Variants in ZNF655 observed in about 807,000 individuals in gnomAD.
The protein encoded by ZNF655 is zinc finger protein 655, also known as Vav-interacting Kruppel-like protein 1.
A neutral mutation model predicts 6.6 loss-of-function variants in ZNF655; 3 were observed. The ratio of observed to expected loss-of-function variants is 0.46; its 90% CI spans 0.21 to 1.18. The LOEUF is 1.18. Ranked by LOEUF, ZNF655 falls within the 50% of genes most tolerant of loss-of-function variation. The pLI is 0.24. For missense variants in ZNF655, 526 were observed against 572.3 expected (o/e 0.92, Z 0.83); for synonymous variants, 178 against 195.0 (o/e 0.91, Z 0.73).
intron 2 of ZNF655, chr7:99,564,813 T>C (rs1803497085): frequency 1.7e-6 from 1 of 593,746 alleles, no homozygotes; most frequent in Admixed American, 6.3e-5. Context: ...ATCTCTGCAC[T>C]GCACACTCGA....
chr7:99,560,855 T>C, intron 2 of ZNF655, 160 bp downstream of exon 2: 3 of 735,730 alleles, frequency 4.1e-6, no homozygotes, highest in Non-Finnish European at 6.3e-6. Context: ...AGTTCAGTCC[T>C]AGTCTGAGCC....
chr7:99,560,882 C>A, intron 2 of ZNF655, 187 bp downstream of exon 2: 1 of 542,788 alleles, frequency 1.8e-6, no homozygotes, highest in Non-Finnish European at 2.9e-6. Flanking sequence ...TTAAGGATAG[C>A]TCATCTTTCT....
chr7:99,561,767 T>C (rs903117251), intron 2 of ZNF655: 14 of 462,362 alleles, frequency 3.0e-5, no homozygotes, highest in African/African-American at 2.6e-4. Context: ...AAAATGTTCA[T>C]TGGTTTTACT....
rs766260849 is a variant in ZNF655, at chr7:99,573,251, G to A, written c.1143G>A (p.Thr381=). 31 of 1,614,160 alleles carry A rather than the reference G, an allele frequency of 1.9e-5. No homozygotes were observed. In the South Asian group the frequency reaches 2.5e-4, roughly 13 times the overall value. ...QGIHFREKPY[T]CSECGKDFRL... is the part of the protein sequence containing the mutation. The stretch of plus-strand genomic sequence containing the variant: ...TTCATTTCAGAGAAAAGCCCTATAC[G>A]TGTAGTGAATGTGGAAAAGACTTCA... Residue 381 remains threonine (T), a synonymous_variant, in exon 3 of 3, where the codon ACG becomes ACA. Transcript: ENST00000252713.
At chr7:99,563,479 C>T (rs564023027) in intron 2 of ZNF655, among the ~76,000 whole-genome samples, 9 of 152,070 alleles carry the variant, frequency 5.9e-5, no homozygotes, top group Non-Finnish European at 1.0e-4. Flanking sequence ...CCACCACGCC[C>T]GCCTAATTTT....
At chr7:99,562,043 C>A in intron 2 of ZNF655, 1 of 1,348,658 alleles carries the variant, frequency 7.4e-7, no homozygotes, top group Non-Finnish European at 1.0e-6. Context: ...TCTCTCTCAT[C>A]CCATCTGTAG....
chr7:99,563,190 A>T (rs917320360), intron 2 of ZNF655: 1 of 455,692 alleles, frequency 2.2e-6, no homozygotes, highest in Admixed American at 2.4e-5. Context: ...TTTGAAAGGT[A>T]CAGTGGGAAG....
At chr7:99,569,033 T>C (rs1803843870) in intron 2 of ZNF655, among the ~76,000 whole-genome samples, 1 of 151,016 alleles carries the variant, frequency 6.6e-6, no homozygotes, top group Non-Finnish European at 1.5e-5. Context: ...GATCTGTCCG[T>C]CATGGCCTCC....
intron 2 of ZNF655, among the ~76,000 whole-genome samples, chr7:99,567,887 C>T (rs543195482): frequency 2.0e-5 from 3 of 151,718 alleles, no homozygotes; most frequent in Admixed American, 6.6e-5. Context: ...GGTGAAACCC[C>T]GTCTCTACTA....
chr7:99,575,286 C>T lies in ZNF655; in HGVS notation c.*1702C>T, dbSNP rs547812247. 3.9e-5 allele frequency: 6 copies of T among 152,614 alleles called. No individual in the cohort carries two copies. Among genetic ancestry groups the T allele is most frequent in the African/African-American group, 1.4e-4 (6 of 41,578 alleles). 9.5% of individuals were successfully genotyped at this position (152,614 alleles called of 1,614,324 possible). Reference sequence around the variant, plus strand: ...GGGCATGGTGGCTCACACCTGTAATCCCAGCACTTTGGGAGGCTGAGGCGG... The same window carrying T: ...GGGCATGGTGGCTCACACCTGTAATTCCAGCACTTTGGGAGGCTGAGGCGG... On this transcript the variant is annotated 3_prime_UTR_variant, in exon 3 of 3. Transcript: ENST00000252713.
In ZNF655 at chr7:99,575,536, C is replaced by T. The variant is rs1200818159; in HGVS notation, c.*1952C>T. On this transcript the variant is annotated 3_prime_UTR_variant, in exon 3 of 3. Transcript: ENST00000252713. ...TGGGCGACAGAGCAGGACTCTCTCTCAAAAAAACACAAAAAAACAAAAACA... is the reference window on the plus strand; with the variant it reads ...TGGGCGACAGAGCAGGACTCTCTCTTAAAAAAACACAAAAAAACAAAAACA... The T allele has an allele frequency of 6.7e-6, 1 of 150,132 alleles. No individual in the cohort carries two copies. The highest frequency in any genetic ancestry group is 2.1e-4 in the South Asian group (1 of 4,772). 9.3% of individuals were successfully genotyped at this position (150,132 alleles called of 1,614,324 possible). A position where few individuals can be genotyped will look rare whatever the true frequency, so the allele number is the denominator to read the frequency against.
chr7:99,559,999 G>T (rs1584237867), intron 1 of ZNF655, among the ~76,000 whole-genome samples: 2 of 151,576 alleles, frequency 1.3e-5, no homozygotes, highest in African/African-American at 4.8e-5. Flanking sequence ...TTTTTTTAAT[G>T]CCACAAATTC....
chr7:99,563,120 C>A, intron 2 of ZNF655: 1 of 441,522 alleles, frequency 2.3e-6, no homozygotes, highest in East Asian at 7.6e-5. Context: ...GCAGAAATCT[C>A]AGATGTTTAC....
At chr7:99,569,465 AT>A (rs555541537) in intron 2 of ZNF655, among the ~76,000 whole-genome samples, 98 of 150,380 alleles carry the variant, frequency 6.5e-4, no homozygotes, top group African/African-American at 2.3e-3. Context: ...CAAAATCATA[AT>A]TTTTTTTTTA....
rs1251043097 is a variant in ZNF655 at position 99,573,418 on chromosome 7, A to C, written c.1310A>C (p.Glu437Ala). 3 of 1,614,154 alleles carry C rather than the reference A, an allele frequency of 1.9e-6. No individual in the cohort carries two copies. The South Asian group carries it at 3.3e-5, about 18-fold the overall frequency. Reference sequence around the variant, plus strand: ...ATGCATAGGAAAGAGAAATCGTATGAATGTAATGAGTATGAGGGCAGTTTC... The same window carrying C: ...ATGCATAGGAAAGAGAAATCGTATGCATGTAATGAGTATGAGGGCAGTTTC... ...HKMHRKEKSYECNEYEGSFSH... is the reference protein window; with the variant it reads ...HKMHRKEKSYACNEYEGSFSH... The change falls in exon 3 of 3, where the codon GAA becomes GCA. Residue 437 changes from glutamate (E) to alanine (A), a missense_variant. Transcript: ENST00000252713.
chr7:99,572,727 A>C lies in ZNF655; in HGVS notation c.619A>C (p.Asn207His). Residue 207 changes from asparagine (N) to histidine (H), a missense_variant, in exon 3 of 3, where the codon AAC becomes CAC. Physicochemically the swap from Asn to His is moderately conservative, Grantham distance 68. Transcript: ENST00000252713. ...SHLNKWESIPNTEKSYKCDVC... is the reference protein window; with the variant it reads ...SHLNKWESIPHTEKSYKCDVC... ...CCTTAATAAATGGGAGAGCATCCCT[A>C]ACACTGAGAAATCCTATAAATGTGA... is the stretch of plus-strand genomic sequence containing the variant. 2 of 1,613,218 alleles carry C rather than the reference A, an allele frequency of 1.2e-6. No individual in the cohort carries two copies. Among genetic ancestry groups the C allele is most frequent in the African/African-American group, 2.7e-5 (2 of 75,044 alleles).
chr7:99,573,526 C>G lies in ZNF655; in HGVS notation c.1418C>G (p.Ser473Cys). 6.2e-7 allele frequency: 1 copy of G among 1,610,302 alleles called. No individual in the cohort carries two copies. Among genetic ancestry groups the G allele is most frequent in the Non-Finnish European group, 8.5e-7 (1 of 1,179,952 alleles). ...GATTGTGATGTATGGGAAAAGAACT[C>G]CAGTCAGAGAGCACATCTAGTTCAA... ...AFDCDVWEKN[S>C]SQRAHLVQHQ... The change falls in exon 3 of 3, where the codon TCC (serine) becomes TGC (cysteine). Residue 473 changes from serine to cysteine, a missense_variant. Ser to Cys is a moderately radical substitution (Grantham distance 112). Coordinates refer to ENST00000252713, the MANE Select transcript of ZNF655 (RefSeq NM_138494.3).
intron 2 of ZNF655, chr7:99,571,111 C>A: frequency 2.9e-6 from 2 of 686,760 alleles, no homozygotes; most frequent in Non-Finnish European, 4.1e-6. Context: ...GGAGGCACTT[C>A]ATAAATGTTT....
At chr7:99,571,680 A>G (rs202043144) in intron 2 of ZNF655, 233 of 1,595,368 alleles carry the variant, frequency 1.5e-4, no homozygotes, top group Admixed American at 3.8e-4. Flanking sequence ...TTCCTTCTCT[A>G]TGAGCAGGAT....
Sources: gnomAD v4.1 joint callset for allele counts (sites outside exome capture counted in the v4.1 genomes callset) on GRCh38, gnomAD v4.1.1 for gene constraint, MANE v1.5 for transcripts, NCBI Gene and HGNC (gene_info 2026-07-23, HGNC 2026-07-21) for gene names.